The following COG5 variants were observed in gnomAD, a reference collection of about 807,000 sequenced individuals.
COG5 encodes the protein conserved oligomeric Golgi complex subunit 5.
COG5 carries 86 observed loss-of-function variants against 110.4 expected under a neutral mutation model. The ratio of observed to expected loss-of-function variants is 0.78; its 90% confidence interval spans 0.65 to 0.93. The LOEUF (loss-of-function observed/expected upper bound fraction) is 0.93. Ranked by LOEUF, COG5 falls within the 40% of genes least tolerant of loss-of-function variation. The probability of loss-of-function intolerance (pLI) is 0.00; values close to 1 mark genes in which losing one functional copy is unlikely to be tolerated. For synonymous variants in COG5, 360 were observed against 334.6 expected, an observed-to-expected ratio of 1.08 and a Z score of -0.83; for missense variants, 1,077 against 987.0, an observed-to-expected ratio of 1.09 and a Z score of -1.22.
At chr7:107,478,905 A>G (rs1797148408) in intron 6 of COG5, among the ~76,000 whole-genome samples, 1 of 152,106 alleles carries the variant, frequency 6.6e-6, no homozygotes, top group Non-Finnish European at 1.5e-5. Flanking sequence ...GCTACCTCCC[A>G]AAGTCAATAA....
At chr7:107,338,744 A>C (rs895396467) in intron 10 of COG5, among the ~76,000 whole-genome samples, 1 of 152,144 alleles carries the variant, frequency 6.6e-6, no homozygotes, top group Non-Finnish European at 1.5e-5. Flanking sequence ...TAATATCTAG[A>C]ATATATAGTA....
chr7:107,542,345 T>C (rs1802101656), intron 5 of COG5, among the ~76,000 whole-genome samples: 1 of 152,146 alleles, frequency 6.6e-6, no homozygotes, highest in Non-Finnish European at 1.5e-5. Context: ...ACACCTAAAA[T>C]ATTAGCAAAA....
intron 21 of COG5, among the ~76,000 whole-genome samples, chr7:107,206,970 T>C (rs192722621): frequency 7.5e-4 from 114 of 151,340 alleles, no homozygotes; most frequent in African/African-American, 2.6e-3. Flanking sequence ...AGTAGATTAT[T>C]GAGGTTATCC....
chr7:107,563,546 G>GA (rs34924876), intron 1 of COG5: 5 of 187,670 alleles, frequency 2.7e-5, no homozygotes, highest in Admixed American at 1.7e-4. Context: ...TGGAGGCATG[G>GA]GGGGGGGGGG....
At chr7:107,467,867 G>T (rs1265537910) in intron 6 of COG5, among the ~76,000 whole-genome samples, 2 of 152,052 alleles carry the variant, frequency 1.3e-5, no homozygotes, top group Non-Finnish European at 2.9e-5. Flanking sequence ...TTTATCCTTG[G>T]AGACAAGTTA....
At chr7:107,383,044 C>A (rs751705323) in intron 7 of COG5, among the ~76,000 whole-genome samples, 2 of 152,048 alleles carry the variant, frequency 1.3e-5, no homozygotes, top group African/African-American at 2.4e-5. Flanking sequence ...AAATAGGATG[C>A]GCATCACTCA....
chr7:107,438,877 G>A (rs1794532590), intron 6 of COG5, among the ~76,000 whole-genome samples: 2 of 152,158 alleles, frequency 1.3e-5, no homozygotes, highest in Admixed American at 6.6e-5. Context: ...AGTCTTTCAA[G>A]TAGGCATTGT....
chr7:107,474,696 C>G lies in COG5; in HGVS notation c.538+52541G>C, dbSNP rs1472936202. 1 of 1,610,122 alleles carries G rather than the reference C, an allele frequency of 6.2e-7. No homozygotes were observed. The highest frequency in any genetic ancestry group is 8.5e-7 in the Non-Finnish European group (1 of 1,177,148). ...ACACTGAACTGGGAATGTATTATCA[C>G]CTGTTAGTACAGATCCCAATATTCT... On this transcript the variant is annotated intron_variant, in intron 6 of 21. Transcript: ENST00000297135. The surrounding 1 kb of genome is among the most constrained non-coding windows in gnomAD (Gnocchi z 5.7).
rs1248921157 is a variant in COG5, at chr7:107,526,628, AAAC to A, written c.538+606_538+608del. On this transcript the variant is annotated intron_variant, in intron 6 of 21. Coordinates refer to ENST00000297135, the MANE Select transcript of COG5 (RefSeq NM_006348.5). ...CCTATTCATAATCACCAAAAACTGG[AAAC>A]AACAACAAATGTCCTTCAATCAGTG... Among the ~76,000 whole-genome samples the A allele has an allele frequency of 5.5e-3, 842 of 152,340 alleles. 8 individuals carry two copies. The highest frequency in any genetic ancestry group is 0.019 in the African/African-American group (810 of 41,572).
intron 6 of COG5, among the ~76,000 whole-genome samples, chr7:107,477,953 T>A (rs1363032113): frequency 6.6e-6 from 1 of 152,036 alleles, no homozygotes; most frequent in East Asian, 1.9e-4. Context: ...CCTGTTAGAA[T>A]GAAAAAATTA....
intron 7 of COG5, among the ~76,000 whole-genome samples, chr7:107,387,771 T>C (rs1403796045): frequency 6.6e-6 from 1 of 152,234 alleles, no homozygotes; most frequent in African/African-American, 2.4e-5. Context: ...AGATCGGGGC[T>C]CTGATACTGG....
At chr7:107,507,418 C>T (rs201882017) in intron 6 of COG5, among the ~76,000 whole-genome samples, 8 of 150,596 alleles carry the variant, frequency 5.3e-5, no homozygotes, top group African/African-American at 9.8e-5. Context: ...CTCAGCCTCC[C>T]GAGTAGCTGG....
chr7:107,484,884 C>T (rs1424573232), intron 6 of COG5, among the ~76,000 whole-genome samples: 2 of 150,494 alleles, frequency 1.3e-5, no homozygotes, highest in African/African-American at 2.5e-5. Flanking sequence ...TTTCGTAACA[C>T]ACCTAAGAGG....
chr7:107,338,738 A>G (rs1187147611), intron 10 of COG5, among the ~76,000 whole-genome samples: 1 of 152,152 alleles, frequency 6.6e-6, no homozygotes, highest in Non-Finnish European at 1.5e-5. Flanking sequence ...ATAAGTTAAT[A>G]TCTAGAATAT....
At chr7:107,554,392 C>A in intron 2 of COG5, 50 bp from the exon 3 acceptor site, 2 of 1,476,134 alleles carry the variant, frequency 1.4e-6, no homozygotes, top group Non-Finnish European at 1.9e-6. Flanking sequence ...GGTATTCTTC[C>A]TTGTAACCAC....
chr7:107,467,807 TA>T (rs904122414), intron 6 of COG5, among the ~76,000 whole-genome samples: 1 of 152,172 alleles, frequency 6.6e-6, no homozygotes, highest in African/African-American at 2.4e-5. Flanking sequence ...AAAAAGGAAA[TA>T]AAATTATACT....
intron 2 of COG5, among the ~76,000 whole-genome samples, chr7:107,556,004 ACT>A (rs1338181276): frequency 2.9e-4 from 44 of 149,570 alleles, no homozygotes; most frequent in African/African-American, 1.1e-3. Context: ...ACAGAGCAAG[ACT>A]CTGTCTCAAA....
At position 107,332,728 on chromosome 7, in the gene COG5, T is replaced by TA. The variant is rs1810369177; in HGVS notation, c.1027-8208dup. On this transcript the variant is annotated intron_variant, in intron 10 of 21. Coordinates refer to ENST00000297135, the MANE Select transcript of COG5 (RefSeq NM_006348.5). Reference sequence around the variant, plus strand: ...GTGGGGCAAAAGAGAAGCAGGGAAGTAGAGATACCAGGTAGCTTACTGAAA... The same window carrying TA: ...GTGGGGCAAAAGAGAAGCAGGGAAGTAAGAGATACCAGGTAGCTTACTGAAA... 1.3e-5 allele frequency among the ~76,000 whole-genome samples: 2 copies of TA among 151,868 alleles called. 1 individual carries two copies. Among genetic ancestry groups the TA allele is most frequent in the South Asian group, 4.2e-4 (2 of 4,806 alleles).
At chr7:107,395,834 C>A (rs551778117) in intron 7 of COG5, among the ~76,000 whole-genome samples, 1 of 151,998 alleles carries the variant, frequency 6.6e-6, no homozygotes, top group Non-Finnish European at 1.5e-5. Flanking sequence ...GGATTACAGG[C>A]GTGAGCCACT....
Sources: allele counts gnomAD v4.1 joint callset (sites outside exome capture counted in the v4.1 genomes callset), GRCh38; gene constraint gnomAD v4.1.1; non-coding constraint Gnocchi (gnomAD v3.1); transcripts MANE v1.5; gene names NCBI Gene and HGNC (gene_info 2026-07-23, HGNC 2026-07-21).